The following TMEM62 variants were observed in gnomAD, a reference collection of about 807,000 sequenced individuals.
TMEM62 encodes transmembrane protein 62.
A neutral mutation model predicts 70.4 loss-of-function variants in TMEM62; 41 were observed. The observed-to-expected ratio is 0.58, with a 90% confidence interval of 0.45 to 0.76. TMEM62 has a LOEUF of 0.76. Among genes scored for constraint, TMEM62 ranks in the 30% least tolerant of loss-of-function variants. The pLI is 0.00. For synonymous variants in TMEM62, 268 were observed against 291.0 expected (o/e 0.92, Z 0.80); for missense variants, 688 against 788.5 (o/e 0.87, Z 1.53).
chr15:43,152,109 G>A (rs969991394), intron 8 of TMEM62, among the ~76,000 whole-genome samples, 164 bp downstream of exon 8: 3 of 152,172 alleles, frequency 2.0e-5, no homozygotes, highest in Middle Eastern at 3.4e-3. Context: ...TTTCCATTAA[G>A]TTAAAAAGCA....
intron 4 of TMEM62, among the ~76,000 whole-genome samples, chr15:43,142,124 T>C (rs2036097261): frequency 6.6e-6 from 1 of 151,808 alleles, no homozygotes; most frequent in South Asian, 2.1e-4. Flanking sequence ...TTTCTTTGGG[T>C]AAAATGCTAT....
intron 10 of TMEM62, among the ~76,000 whole-genome samples, chr15:43,166,272 A>G (rs996507655): frequency 4.6e-5 from 7 of 151,858 alleles, no homozygotes; most frequent in Non-Finnish European, 8.8e-5. Context: ...CTTTCCAGAG[A>G]TTTTATTTGT....
In TMEM62 at chr15:43,133,889, G is replaced by A. The variant is rs540402977; in HGVS notation, c.87G>A (p.Ala29=). 10 of 1,498,464 alleles carry A rather than the reference G, an allele frequency of 6.7e-6. No individual in the cohort carries two copies. The highest frequency in any genetic ancestry group is 2.5e-5 in the South Asian group (2 of 79,782). 92.8% of individuals were successfully genotyped at this position (1,498,464 alleles called of 1,614,324 possible). A position where few individuals can be genotyped will look rare whatever the true frequency, so the allele number is the denominator to read the frequency against. The change falls in exon 1 of 14, where the codon GCG becomes GCA. Residue 29 remains alanine, a synonymous_variant. Transcript: ENST00000260403. ...VAMLLEHYGL[A]GQPSPLPRPA... is the part of the protein sequence containing the mutation. ...TGCTCTTGGAGCACTACGGCCTGGC[G>A]GGCCAGCCCTCGCCGCTGCCGCGCC...
chr15:43,143,922 A>G (rs1419116682), intron 4 of TMEM62, among the ~76,000 whole-genome samples: 2 of 152,244 alleles, frequency 1.3e-5, no homozygotes, highest in African/African-American at 4.8e-5. Flanking sequence ...TGTGAGAGAT[A>G]CATGAGTTAA....
intron 13 of TMEM62, among the ~76,000 whole-genome samples, chr15:43,181,592 C>T (rs964332548): frequency 3.3e-5 from 5 of 152,228 alleles, no homozygotes; most frequent in Admixed American, 1.3e-4. Context: ...GCCTCCACCT[C>T]TTGGGTTCCA....
At chr15:43,173,676 T>G (rs940378038) in intron 11 of TMEM62, among the ~76,000 whole-genome samples, 5 of 152,154 alleles carry the variant, frequency 3.3e-5, no homozygotes, top group African/African-American at 1.2e-4. Flanking sequence ...GAAGACCTCC[T>G]TTATCATACT....
At chr15:43,171,836 C>A (rs1391542404) in intron 11 of TMEM62, among the ~76,000 whole-genome samples, 1 of 151,876 alleles carries the variant, frequency 6.6e-6, no homozygotes, top group Non-Finnish European at 1.5e-5. Context: ...ACCATGTTAG[C>A]CAGCTTGGTC....
chr15:43,156,567 A>C (rs1010789788), intron 9 of TMEM62, among the ~76,000 whole-genome samples: 3 of 152,172 alleles, frequency 2.0e-5, no homozygotes, highest in Non-Finnish European at 4.4e-5. Flanking sequence ...GGAGTGCCTC[A>C]GAACCCCAGT....
At chr15:43,134,866 A>G (rs2034991526) in intron 2 of TMEM62, among the ~76,000 whole-genome samples, 1 of 152,210 alleles carries the variant, frequency 6.6e-6, no homozygotes, top group Admixed American at 6.5e-5. Flanking sequence ...CTCTTCAAAC[A>G]CTTTATTTGC....
intron 11 of TMEM62, among the ~76,000 whole-genome samples, chr15:43,172,267 A>T (rs2040270291): frequency 1.3e-5 from 2 of 152,214 alleles, no homozygotes; most frequent in Non-Finnish European, 1.5e-5. Context: ...TCACATGAAA[A>T]GTTCATTTAT....
At chr15:43,181,610 T>C (rs1383307702) in intron 13 of TMEM62, among the ~76,000 whole-genome samples, 1 of 152,224 alleles carries the variant, frequency 6.6e-6, no homozygotes, top group Non-Finnish European at 1.5e-5. Context: ...CCAGCGATTT[T>C]CCTGCCTCAG....
rs34788208 is a variant in TMEM62, at chr15:43,149,169, T to C, written c.866+18T>C. On this transcript the variant is annotated intron_variant, in intron 7 of 13. Transcript: ENST00000260403. ...AATAGGAGGTAAGGGAACCTCCCCA[T>C]AGAAGAAAACTTATACACATAAGTT... The C allele has an allele frequency of 0.068, 110,195 of 1,612,762 alleles. 4,235 individuals are homozygous for C. Among genetic ancestry groups the C allele is most frequent in the Non-Finnish European group, 0.079 (93,401 of 1,179,390 alleles).
chr15:43,139,314 C>A (rs1433316477), intron 4 of TMEM62, among the ~76,000 whole-genome samples: 1 of 152,164 alleles, frequency 6.6e-6, no homozygotes, highest in Non-Finnish European at 1.5e-5. Flanking sequence ...GCTGTTCTCC[C>A]ATCTCTCTCC....
At chr15:43,150,405 TTCTC>T (rs1567195557) in intron 7 of TMEM62, among the ~76,000 whole-genome samples, 1 of 152,188 alleles carries the variant, frequency 6.6e-6, no homozygotes, top group Non-Finnish European at 1.5e-5. Context: ...GGCATTTCCT[TTCTC>T]TCTCCACCAG....
At chr15:43,156,694 T>C (rs986022270) in intron 9 of TMEM62, among the ~76,000 whole-genome samples, 4 of 152,214 alleles carry the variant, frequency 2.6e-5, no homozygotes, top group Admixed American at 6.5e-5. Flanking sequence ...TTAGTAAAAA[T>C]GTAAAATCAC....
intron 9 of TMEM62, 165 bp from the exon 10 acceptor site, chr15:43,160,516 G>C: frequency 3.6e-6 from 2 of 559,366 alleles, no homozygotes. Flanking sequence ...CTGCACGCCA[G>C]CCTGGACAAC....
intron 9 of TMEM62, chr15:43,160,478 C>T: frequency 2.1e-6 from 1 of 473,840 alleles, no homozygotes; most frequent in South Asian, 3.1e-5. Flanking sequence ...AAGATGAAAG[C>T]TGCAGTGAGC....
Position 43,184,335 on chromosome 15 carries a change from A to G in TMEM62, c.1681A>G (p.Arg561Gly), listed in dbSNP as rs1226027536. Reference protein sequence around the residue: ...LLQRCFGHNFRSHLHQRKYLK... With the variant: ...LLQRCFGHNFGSHLHQRKYLK... ...GCAGCGGTGCTTTGGTCACAACTTC[A>G]GGTCTCATCTCCATCAAAGAAAATA... Residue 561 changes from arginine (R) to glycine (G), a missense_variant, in exon 14 of 14, where the codon AGG becomes GGG. Transcript: ENST00000260403. 6.2e-7 allele frequency: 1 copy of G among 1,614,182 alleles called. No individual in the cohort carries two copies. Among genetic ancestry groups the G allele is most frequent in the South Asian group, 1.1e-5 (1 of 91,080 alleles).
chr15:43,134,280 G>T lies in TMEM62; in HGVS notation c.204G>T (p.Arg68Ser), dbSNP rs1445470397. The part of the protein sequence containing the change: ...GLQISDIHLS[R>S]FRDPGRAVDL... The stretch of plus-strand genomic sequence containing the variant: ...AGATATCCGACATTCACCTGAGCAG[G>T]TTTCGAGATCCAGGCAGAGCGGTAG... The change falls in exon 2 of 14, where the codon AGG becomes AGT. Residue 68 changes from arginine to serine, a missense_variant. By Grantham distance (110) the Arg-to-Ser change is moderately radical. Coordinates refer to ENST00000260403, the MANE Select transcript of TMEM62 (RefSeq NM_024956.4). The T allele has an allele frequency of 6.2e-7, 1 of 1,614,052 alleles. No individual in the cohort carries two copies. Among genetic ancestry groups the T allele is most frequent in the Non-Finnish European group, 8.5e-7 (1 of 1,180,046 alleles).
Sources: gnomAD v4.1 joint callset for allele counts (sites outside exome capture counted in the v4.1 genomes callset) on GRCh38, gnomAD v4.1.1 for gene constraint, MANE v1.5 for transcripts, NCBI Gene and HGNC (gene_info 2026-07-23, HGNC 2026-07-21) for gene names.